BIN3: variants seen among roughly 807,000 people sequenced by gnomAD.
BIN3 encodes bridging integrator 3.
Under a neutral mutation model 38.2 loss-of-function variants are expected in BIN3, and 41 were observed. That is an observed-to-expected ratio of 1.07 (90% CI 0.84 to 1.39). BIN3 has a LOEUF of 1.39. BIN3 is among the 40% of genes most tolerant of loss of function. The pLI, the probability that BIN3 is intolerant of heterozygous loss-of-function variation, is 0.00. For synonymous variants in BIN3, 145 were observed against 122.6 expected, an observed-to-expected ratio of 1.18 and a Z score of -1.21; for missense variants, 361 against 324.3, an observed-to-expected ratio of 1.11 and a Z score of -0.87.
chr8:22,626,817 C>T (rs1377480727), intron 6 of BIN3, among the ~76,000 whole-genome samples: 1 of 152,220 alleles, frequency 6.6e-6, no homozygotes, highest in East Asian at 1.9e-4. Context: ...GACCCCCCAA[C>T]ATCCCCTGAG....
At chr8:22,652,742 G>A (rs1294456947) in intron 1 of BIN3, among the ~76,000 whole-genome samples, 2 of 152,142 alleles carry the variant, frequency 1.3e-5, no homozygotes, top group Non-Finnish European at 2.9e-5. Context: ...AAACAAATGC[G>A]AAGTTTTAAA....
Position 22,651,175 on chromosome 8 carries a change from A to C in BIN3, c.9-6372T>G, listed in dbSNP as rs193181850. Among the ~76,000 whole-genome samples, 162 of 152,312 alleles carry C rather than the reference A, an allele frequency of 1.1e-3. 2 individuals are homozygous for C. In the South Asian group the frequency reaches 0.033, roughly 31 times the overall value. On this transcript the variant is annotated intron_variant, in intron 1 of 8. Coordinates refer to ENST00000276416, the MANE Select transcript of BIN3 (RefSeq NM_018688.6). ...GCAGTAATACATAAATAACATGCAT[A>C]CTTTTTTTTTAACTTTCCCTAAAAT...
In BIN3 at chr8:22,621,071, C is replaced by G. The variant is rs1025047455; in HGVS notation, c.*351G>C. ...GTCTTTTGGAGGTAGATTTGATGCC[C>G]ACAACGCATGCAAGGCTAAGACCCC... is the stretch of plus-strand genomic sequence containing the variant. On this transcript the variant is annotated 3_prime_UTR_variant, in exon 9 of 9. Transcript: ENST00000276416. 2.8e-5 allele frequency: 6 copies of G among 215,588 alleles called. No homozygotes were observed. Among genetic ancestry groups the G allele is most frequent in the South Asian group, 9.9e-5 (1 of 10,116 alleles). The allele number at this position is 215,588 out of a possible 1,614,324, so 13.4% of individuals were successfully genotyped here. A position where few individuals can be genotyped will look rare whatever the true frequency, so the allele number is the denominator to read the frequency against.
In BIN3 at chr8:22,655,321, C is replaced by T. The variant is rs150648964; in HGVS notation, c.9-10518G>A. Among the ~76,000 whole-genome samples, 475 of 152,162 alleles carry T rather than the reference C, an allele frequency of 3.1e-3. 5 individuals carry two copies. The highest frequency in any genetic ancestry group is 0.011 in the African/African-American group (454 of 41,520). On this transcript the variant is annotated intron_variant, in intron 1 of 8. Transcript: ENST00000276416. ...TCTGTTTTTTCTTTTGTTGTTCATG[C>T]TTTTGGTGTCATATGTAAGAATCCT...
chr8:22,638,826 T>C (rs887034893), intron 2 of BIN3, among the ~76,000 whole-genome samples: 2 of 152,158 alleles, frequency 1.3e-5, no homozygotes, highest in Non-Finnish European at 2.9e-5. Context: ...CATCCTACAA[T>C]CTTTCTTCCT....
chr8:22,637,201 C>T (rs906327643), intron 2 of BIN3, among the ~76,000 whole-genome samples: 4 of 152,194 alleles, frequency 2.6e-5, no homozygotes, highest in East Asian at 1.9e-4. Flanking sequence ...CAGGTGCCAG[C>T]GGACTGTGGC....
At chr8:22,639,865 T>TC (rs1252023360) in intron 2 of BIN3, among the ~76,000 whole-genome samples, 1 of 151,886 alleles carries the variant, frequency 6.6e-6, no homozygotes, top group African/African-American at 2.4e-5. Context: ...GACACACTTT[T>TC]TTTTTTTTCT....
chr8:22,625,286 A>G (rs876714), intron 6 of BIN3: 297,169 of 701,306 alleles, frequency 0.42, 64,394 homozygotes, highest in South Asian at 0.54. Flanking sequence ...CCCTCGGTGC[A>G]ATGGCAGGGG....
In BIN3 at chr8:22,629,315, C is replaced by G. The variant is rs1355846490; in HGVS notation, c.338+649G>C. ...TAGGTCACAGCCTGCTCGAGAGAGGCCAGGGAAGATGAAGTGATTCGGGGC... is the reference window on the plus strand; with the variant it reads ...TAGGTCACAGCCTGCTCGAGAGAGGGCAGGGAAGATGAAGTGATTCGGGGC... On this transcript the variant is annotated intron_variant, in intron 6 of 8. Coordinates refer to ENST00000276416, the MANE Select transcript of BIN3 (RefSeq NM_018688.6). 2.6e-5 allele frequency among the ~76,000 whole-genome samples: 4 copies of G among 152,116 alleles called. No homozygotes were observed. In the East Asian group the frequency reaches 7.7e-4, roughly 29 times the overall value.
intron 1 of BIN3, 76 bp downstream of exon 1, chr8:22,668,968 A>G (rs928407745): frequency 1.1e-4 from 172 of 1,538,836 alleles, no homozygotes; most frequent in Non-Finnish European, 1.5e-4. Context: ...GGGAGCCGGG[A>G]CGCGGCACTG....
intron 1 of BIN3, among the ~76,000 whole-genome samples, chr8:22,665,005 AGAT>A (rs901612913): frequency 4.6e-5 from 7 of 152,250 alleles, no homozygotes; most frequent in African/African-American, 1.7e-4. Context: ...GCGTACAAAA[AGAT>A]GAAGAAGCTC....
At chr8:22,656,633 C>T (rs1301430727) in intron 1 of BIN3, among the ~76,000 whole-genome samples, 4 of 152,194 alleles carry the variant, frequency 2.6e-5, no homozygotes, top group South Asian at 2.1e-4. Flanking sequence ...GAATGCTTTA[C>T]ATCTGATCCC....
chr8:22,644,067 C>T (rs2117556615), intron 2 of BIN3, among the ~76,000 whole-genome samples: 1 of 152,356 alleles, frequency 6.6e-6, no homozygotes, highest in Non-Finnish European at 1.5e-5. Context: ...GTTTTTATAA[C>T]TTGAGGAAGT....
intron 2 of BIN3, among the ~76,000 whole-genome samples, chr8:22,641,217 G>A (rs938552755): frequency 2.0e-5 from 3 of 152,174 alleles, no homozygotes; most frequent in East Asian, 1.9e-4. Flanking sequence ...ACATGTGCAC[G>A]GACCATCAGG....
chr8:22,644,694 C>T (rs753335436), intron 2 of BIN3, 61 bp downstream of exon 2: 209 of 1,520,578 alleles, frequency 1.4e-4, no homozygotes, highest in Non-Finnish European at 1.8e-4. Flanking sequence ...AGCTTTGATT[C>T]TTATGCAAAG....
At chr8:22,667,834 T>C (rs1009134180) in intron 1 of BIN3, among the ~76,000 whole-genome samples, 14 of 152,178 alleles carry the variant, frequency 9.2e-5, no homozygotes, top group South Asian at 2.1e-4. Context: ...AGGGGACAGA[T>C]GGTTCGCATT....
intron 1 of BIN3, among the ~76,000 whole-genome samples, chr8:22,651,081 C>T (rs2117574589): frequency 6.6e-6 from 1 of 152,316 alleles, no homozygotes; most frequent in East Asian, 1.9e-4. Flanking sequence ...AGCTATGCCA[C>T]TCCCAAATTC....
At chr8:22,653,875 G>C (rs1435340448) in intron 1 of BIN3, among the ~76,000 whole-genome samples, 1 of 129,462 alleles carries the variant, frequency 7.7e-6, no homozygotes, top group Admixed American at 9.2e-5. Flanking sequence ...CCCTGGTACA[G>C]AATTCTTTGG....
At chr8:22,632,176 A>G (rs1383399415) in intron 4 of BIN3, among the ~76,000 whole-genome samples, 1 of 152,232 alleles carries the variant, frequency 6.6e-6, no homozygotes, top group Non-Finnish European at 1.5e-5. Flanking sequence ...TTAACTGTGG[A>G]AAAAGTGTCT....
Sources: allele counts gnomAD v4.1 joint callset (sites outside exome capture counted in the v4.1 genomes callset), GRCh38; gene constraint gnomAD v4.1.1; transcripts MANE v1.5; gene names NCBI Gene and HGNC (gene_info 2026-07-23, HGNC 2026-07-21).